Variants in MAPKAP1 observed in about 807,000 individuals in gnomAD.
The protein encoded by MAPKAP1 is MAPK associated protein 1.
Under a neutral mutation model 65.7 loss-of-function variants are expected in MAPKAP1, and 20 were observed. The observed-to-expected ratio is 0.30, with a 90% CI of 0.21 to 0.44. The LOEUF (loss-of-function observed/expected upper bound fraction) is 0.44, where lower values mean the gene tolerates loss of function less well. MAPKAP1 is among the 20% of genes least tolerant of loss of function. The pLI is 1.00. For missense variants in MAPKAP1, 423 were observed against 648.0 expected (o/e 0.65, Z 3.77); for synonymous variants, 222 against 244.3 (o/e 0.91, Z 0.85).
chr9:125,542,988 A>T (rs747887354), intron 7 of MAPKAP1, 71 bp downstream of exon 7: 2 of 1,020,116 alleles, frequency 2.0e-6, no homozygotes, highest in Non-Finnish European at 3.1e-6. Context: ...CATCACACAC[A>T]CACACCCCCT....
At chr9:125,625,251 T>TAAAAAAAAAAAAAAAAA (rs1833073598) in intron 4 of MAPKAP1, among the ~76,000 whole-genome samples, 2 of 10,468 alleles carry the variant, frequency 1.9e-4, no homozygotes, top group African/African-American at 4.6e-4. Context: ...AAAAAATAAA[T>TAAAAAAAAAAAAAAAAA]AAATAAAAAA....
chr9:125,704,137 G>C (rs913937743), intron 1 of MAPKAP1, among the ~76,000 whole-genome samples: 1 of 152,090 alleles, frequency 6.6e-6, no homozygotes, highest in African/African-American at 2.4e-5. Flanking sequence ...CAGAGGGTCC[G>C]CATCCACATC....
At chr9:125,552,468 CT>C (rs1268110396) in intron 6 of MAPKAP1, among the ~76,000 whole-genome samples, 1 of 152,120 alleles carries the variant, frequency 6.6e-6, no homozygotes, top group African/African-American at 2.4e-5. Flanking sequence ...AATTCACAAC[CT>C]TTGCATGATG....
At chr9:125,655,841 C>T (rs1834019420) in intron 4 of MAPKAP1, among the ~76,000 whole-genome samples, 1 of 152,220 alleles carries the variant, frequency 6.6e-6, no homozygotes, top group Non-Finnish European at 1.5e-5. Context: ...TACAAATAGA[C>T]TTGCTATGAC....
In MAPKAP1 at chr9:125,467,979, T is replaced by C. The variant is rs749300874; in HGVS notation, c.1338A>G (p.Lys446=). ...ATAAAAGGGACTACTCACTGGGGCT[T>C]TTCTCTTCAGCAAGGTCACAGGCAC... ...LLCACDLAEE[K]SPSHAIFKLT... is the part of the protein sequence containing the mutation. The change falls in exon 10 of 12, where the codon AAA becomes AAG. Residue 446 remains lysine, a synonymous_variant. Transcript: ENST00000265960. 5.0e-6 allele frequency: 8 copies of C among 1,614,086 alleles called. No homozygotes were observed. In the East Asian group the frequency reaches 6.7e-5, roughly 13 times the overall value.
intron 4 of MAPKAP1, among the ~76,000 whole-genome samples, chr9:125,631,586 T>G (rs1026822499): frequency 1.3e-5 from 2 of 152,170 alleles, no homozygotes; most frequent in Admixed American, 1.3e-4. Flanking sequence ...ATTCCCTACT[T>G]TTGCTAACCA....
chr9:125,693,830 C>T lies in MAPKAP1; in HGVS notation c.-70+13141G>A, dbSNP rs77973877. Among the ~76,000 whole-genome samples, 250 of 100,370 alleles carry T rather than the reference C, an allele frequency of 2.5e-3. 3 individuals carry two copies. Among genetic ancestry groups the T allele is most frequent in the Non-Finnish European group, 2.9e-3 (134 of 46,232 alleles). The allele number at this position is 100,370 out of a possible 152,430, so 65.8% of individuals were successfully genotyped here. A position where few individuals can be genotyped will look rare whatever the true frequency, so the allele number is the denominator to read the frequency against. On this transcript the variant is annotated intron_variant, in intron 1 of 11. Coordinates refer to ENST00000265960, the MANE Select transcript of MAPKAP1 (RefSeq NM_001006617.3). The stretch of plus-strand genomic sequence containing the variant: ...ATACACACACATATACACACACACA[C>T]ATATATATACACACATACACACACA...
intron 1 of MAPKAP1, among the ~76,000 whole-genome samples, chr9:125,700,876 C>G (rs1359071977): frequency 6.6e-6 from 1 of 152,224 alleles, no homozygotes; most frequent in African/African-American, 2.4e-5. Flanking sequence ...CCATATTTCT[C>G]TCACTGTGCT....
At chr9:125,454,023 A>C (rs1483429178) in intron 10 of MAPKAP1, among the ~76,000 whole-genome samples, 4 of 152,262 alleles carry the variant, frequency 2.6e-5, no homozygotes, top group African/African-American at 9.6e-5. Flanking sequence ...ATAGTTTGTC[A>C]GTTGTTCTTT....
In MAPKAP1 at chr9:125,519,652, T is replaced by TTATATATATATATA. The variant is rs146480033; in HGVS notation, c.959-13249_959-13236dup. ...TAATATATATACATATATATGTCTT[T>TTATATATATATATA]TATATATATATATATATATAATTTA... On this transcript the variant is annotated intron_variant, in intron 7 of 11. Transcript: ENST00000265960. Among the ~76,000 whole-genome samples, 839 of 141,656 alleles carry TTATATATATATATA rather than the reference T, an allele frequency of 5.9e-3. 15 individuals are homozygous for TTATATATATATATA. The highest frequency in any genetic ancestry group is 0.033 in the Admixed American group (448 of 13,478). 92.9% of individuals were successfully genotyped at this position (141,656 alleles called of 152,430 possible).
chr9:125,632,510 C>T (rs952043673), intron 4 of MAPKAP1, among the ~76,000 whole-genome samples: 1 of 152,160 alleles, frequency 6.6e-6, no homozygotes, highest in Admixed American at 6.5e-5. Context: ...CTTTCATGTG[C>T]TACTTGGTTA....
chr9:125,461,795 G>A (rs904997782), intron 10 of MAPKAP1, among the ~76,000 whole-genome samples: 4 of 152,154 alleles, frequency 2.6e-5, no homozygotes, highest in African/African-American at 9.7e-5. Flanking sequence ...TCCACCTAAC[G>A]TCTGGAGTGC....
chr9:125,642,434 A>G (rs1309382071), intron 4 of MAPKAP1, among the ~76,000 whole-genome samples: 1 of 152,180 alleles, frequency 6.6e-6, no homozygotes, highest in East Asian at 1.9e-4. Context: ...AAAACAGAGT[A>G]TGGACAAAGC....
At chr9:125,673,385 C>A (rs1441669834) in intron 1 of MAPKAP1, among the ~76,000 whole-genome samples, 2 of 152,144 alleles carry the variant, frequency 1.3e-5, no homozygotes, top group Non-Finnish European at 2.9e-5. Flanking sequence ...CGCCACCATG[C>A]CCAGCTAATT....
At position 125,672,307 on chromosome 9, in the gene MAPKAP1, A is replaced by G. The variant is rs1229822408; in HGVS notation, c.259+9T>C. ...AGCTCAGAAGACATGACTAGAACAC[A>G]ATGTTTACCTGTGTTTGAGCGTCTT... On this transcript the variant is annotated intron_variant, in intron 2 of 11. Coordinates refer to ENST00000265960, the MANE Select transcript of MAPKAP1 (RefSeq NM_001006617.3). The G allele has an allele frequency of 2.5e-6, 4 of 1,613,452 alleles. No individual in the cohort carries two copies. Among genetic ancestry groups the G allele is most frequent in the Non-Finnish European group, 3.4e-6 (4 of 1,179,578 alleles).
intron 7 of MAPKAP1, among the ~76,000 whole-genome samples, chr9:125,508,072 G>A (rs954548434): frequency 1.3e-5 from 2 of 152,128 alleles, no homozygotes; most frequent in East Asian, 1.9e-4. Flanking sequence ...AGGCTGAGGC[G>A]GGGGGATTGC....
At chr9:125,566,586 G>C (rs1449747811) in intron 5 of MAPKAP1, among the ~76,000 whole-genome samples, 1 of 145,900 alleles carries the variant, frequency 6.9e-6, no homozygotes, top group Non-Finnish European at 1.5e-5. Flanking sequence ...AAAAGAAAAA[G>C]AAAAAGAAAA....
At chr9:125,489,867 C>T (rs1173903705) in intron 8 of MAPKAP1, among the ~76,000 whole-genome samples, 1 of 152,150 alleles carries the variant, frequency 6.6e-6, no homozygotes, top group Non-Finnish European at 1.5e-5. Context: ...GAGATTCAAA[C>T]TGTCACTCAA....
At chr9:125,442,256 G>GTGCA (rs1852517008) in intron 11 of MAPKAP1, among the ~76,000 whole-genome samples, 1 of 150,918 alleles carries the variant, frequency 6.6e-6, no homozygotes, top group Admixed American at 6.6e-5. Context: ...CTGGAGTCTT[G>GTGCA]TGCATGACAC....
Sources: allele counts gnomAD v4.1 joint callset (sites outside exome capture counted in the v4.1 genomes callset), GRCh38; gene constraint gnomAD v4.1.1; transcripts MANE v1.5; gene names NCBI Gene and HGNC (gene_info 2026-07-23, HGNC 2026-07-21).